Variants in GLE1 observed in about 807,000 individuals in gnomAD.
GLE1 encodes the protein GLE1 RNA export mediator, also known as mRNA export factor GLE1.
In GLE1, 78 loss-of-function variants were observed where a neutral mutation model predicts 97.3. The observed-to-expected ratio is 0.80, with a 90% confidence interval of 0.67 to 0.97. GLE1 has a LOEUF of 0.97. Ranked by LOEUF, GLE1 falls within the 50% of genes least tolerant of loss-of-function variation. The probability of loss-of-function intolerance (pLI) is 0.00; values close to 1 mark genes in which losing one functional copy is unlikely to be tolerated. For synonymous variants in GLE1, 302 were observed against 313.4 expected, an observed-to-expected ratio of 0.96 and a Z score of 0.39; for missense variants, 753 against 857.5, an observed-to-expected ratio of 0.88 and a Z score of 1.52.
Position 128,534,862 on chromosome 9 carries a change from G to A in GLE1, c.1646+911G>A, listed in dbSNP as rs1056097502. On this transcript the variant is annotated intron_variant, in intron 11 of 15. Coordinates refer to ENST00000309971, the MANE Select transcript of GLE1 (RefSeq NM_001003722.2). Reference sequence around the variant, plus strand: ...GCCTCCCGAGTAGCTGGGACTACAGGCGCCCACCACCACGCCCAGCTAATT... The same window carrying A: ...GCCTCCCGAGTAGCTGGGACTACAGACGCCCACCACCACGCCCAGCTAATT... Among the ~76,000 whole-genome samples the A allele has an allele frequency of 2.0e-5, 3 of 151,890 alleles. No homozygotes were observed. The South Asian group carries it at 6.3e-4, about 32-fold the overall frequency.
chr9:128,531,931 G>A (rs1242257164), intron 9 of GLE1, among the ~76,000 whole-genome samples: 2 of 151,654 alleles, frequency 1.3e-5, no homozygotes, highest in Admixed American at 1.3e-4. Flanking sequence ...GGGAGGCCAC[G>A]TCAGTCTAGG....
chr9:128,513,879 G>A (rs1336226523), intron 2 of GLE1, among the ~76,000 whole-genome samples: 4 of 151,764 alleles, frequency 2.6e-5, no homozygotes, highest in Non-Finnish European at 2.9e-5. Context: ...TTATCCTGGC[G>A]TGGTGGAGGG....
chr9:128,538,742 C>T (rs1326778178), intron 13 of GLE1, among the ~76,000 whole-genome samples: 1 of 151,964 alleles, frequency 6.6e-6, no homozygotes, highest in African/African-American at 2.4e-5. Flanking sequence ...GTCAGCCAGG[C>T]TGGAGTGCAT....
At chr9:128,515,480 A>T in intron 2 of GLE1, 49 bp from the exon 3 acceptor site, 1 of 984,350 alleles carries the variant, frequency 1.0e-6, no homozygotes, top group Non-Finnish European at 1.6e-6. Flanking sequence ...CAACTTTACC[A>T]TATTAAAAAC....
chr9:128,511,322 G>T (rs1057178819), intron 2 of GLE1, among the ~76,000 whole-genome samples: 3 of 149,998 alleles, frequency 2.0e-5, no homozygotes, highest in Non-Finnish European at 4.4e-5. Context: ...GTTGTTGCCA[G>T]AAAAGGTCTA....
Position 128,513,745 on chromosome 9 carries a change from G to A in GLE1, c.322-1784G>A, listed in dbSNP as rs537313952. Among the ~76,000 whole-genome samples the A allele has an allele frequency of 7.2e-3, 1,087 of 151,050 alleles. 4 individuals carry two copies. The highest frequency in any genetic ancestry group is 0.017 in the Middle Eastern group (5 of 286). ...AAAGAAAAGAAAAAAGGCGGGGTGC[G>A]GTGGCTCACGCCTGTAATCCCAGCA... On this transcript the variant is annotated intron_variant, in intron 2 of 15. Transcript: ENST00000309971.
At chr9:128,528,962 C>A (rs533342904) in intron 9 of GLE1, 1 of 152,160 alleles carries the variant, frequency 6.6e-6, no homozygotes, top group Non-Finnish European at 1.5e-5. Flanking sequence ...ACTCCTCTGA[C>A]GCATCGTGGG....
chr9:128,530,310 C>T (rs1847453158), intron 9 of GLE1, among the ~76,000 whole-genome samples: 1 of 152,156 alleles, frequency 6.6e-6, no homozygotes, highest in Admixed American at 6.6e-5. Context: ...CATCATCTTC[C>T]TTAGCCCTCT....
intron 1 of GLE1, among the ~76,000 whole-genome samples, chr9:128,507,494 G>A (rs1846673347): frequency 1.3e-5 from 2 of 150,996 alleles, no homozygotes; most frequent in South Asian, 4.2e-4. Flanking sequence ...TGAGGTGGGA[G>A]TATTACCTGA....
At chr9:128,522,315 C>T (rs548580545) in intron 3 of GLE1, among the ~76,000 whole-genome samples, 66 of 152,214 alleles carry the variant, frequency 4.3e-4, no homozygotes, top group Middle Eastern at 3.4e-3. Flanking sequence ...GCAGGTAGCC[C>T]GCAGGGGTAA....
intron 7 of GLE1, 102 bp downstream of exon 7, chr9:128,525,525 C>T (rs1311889117): frequency 1.2e-6 from 1 of 809,070 alleles, no homozygotes; most frequent in Non-Finnish European, 2.1e-6. Flanking sequence ...GGACAGTTAA[C>T]CAGAATTTTA....
At position 128,504,912 on chromosome 9, in the gene GLE1, G is replaced by T. The variant is rs1241675426; in HGVS notation, c.99+8G>T. ...TGGCTGCTGCGGCGCGAGGTGAGCG[G>T]TGGCCCCGGAGGACGTAGGCCTTTC... On this transcript the variant is annotated splice_region_variant and intron_variant, in intron 1 of 15. Coordinates refer to ENST00000309971, the MANE Select transcript of GLE1 (RefSeq NM_001003722.2). 1 of 1,590,920 alleles carries T rather than the reference G, an allele frequency of 6.3e-7. No homozygotes were observed. Among genetic ancestry groups the T allele is most frequent in the African/African-American group, 1.3e-5 (1 of 74,484 alleles).
chr9:128,516,626 TG>T (rs1168890536), intron 3 of GLE1, among the ~76,000 whole-genome samples: 1 of 151,530 alleles, frequency 6.6e-6, no homozygotes, highest in African/African-American at 2.4e-5. Context: ...GCCTGTTTTT[TG>T]TTTTTGTTTT....
In GLE1 at chr9:128,533,883, G is replaced by A; in HGVS notation, c.1578G>A (p.Lys526=). 9 of 1,613,416 alleles carry A rather than the reference G, an allele frequency of 5.6e-6. No homozygotes were observed. The highest frequency in any genetic ancestry group is 7.6e-6 in the Non-Finnish European group (9 of 1,179,354). ...VGDLILAHLH[K]KCPYSVPFYP... is the part of the protein sequence containing the mutation. ...ACCTCATTCTTGCTCATCTACATAAGAAGTGTCCTTACTCTGTTCCTTTCT... is the reference window on the plus strand; with the variant it reads ...ACCTCATTCTTGCTCATCTACATAAAAAGTGTCCTTACTCTGTTCCTTTCT... The change falls in exon 11 of 16, where the codon AAG becomes AAA. Residue 526 remains lysine (K), a synonymous_variant. Coordinates refer to ENST00000309971, the MANE Select transcript of GLE1 (RefSeq NM_001003722.2).
intron 2 of GLE1, among the ~76,000 whole-genome samples, chr9:128,513,337 A>G (rs1053823906): frequency 6.6e-6 from 1 of 152,134 alleles, no homozygotes; most frequent in Non-Finnish European, 1.5e-5. Context: ...TTAGGTGGCA[A>G]GATGGCTACT....
intron 9 of GLE1, among the ~76,000 whole-genome samples, chr9:128,529,709 CCTCT>C (rs538002331): frequency 2.0e-5 from 3 of 151,038 alleles, no homozygotes; most frequent in African/African-American, 7.3e-5. Context: ...TCCCTCTCTC[CCTCT>C]CTCTCTCTCC....
rs1846592915 is a variant in GLE1 at position 128,504,813 on chromosome 9, C to T, written c.8C>T (p.Ser3Phe). 6.2e-7 allele frequency: 1 copy of T among 1,609,718 alleles called. No homozygotes were observed. The highest frequency in any genetic ancestry group is 8.5e-7 in the Non-Finnish European group (1 of 1,176,060). The stretch of plus-strand genomic sequence containing the variant: ...GCTGCCCCTTAGCCAACCATGCCGT[C>T]TGAGGGTCGCTGCTGGGAGACCTTG... MP[S>F]EGRCWETLKA... Residue 3 changes from serine (S) to phenylalanine (F), a missense_variant, in exon 1 of 16, where the codon TCT becomes TTT. Transcript: ENST00000309971.
chr9:128,516,594 C>T (rs1440838865), intron 3 of GLE1, among the ~76,000 whole-genome samples: 2 of 152,144 alleles, frequency 1.3e-5, no homozygotes, highest in African/African-American at 4.8e-5. Flanking sequence ...GCTGGGATTA[C>T]AGGCATGAGC....
intron 3 of GLE1, among the ~76,000 whole-genome samples, chr9:128,519,201 A>G (rs887368029): frequency 9.8e-5 from 15 of 152,306 alleles, no homozygotes; most frequent in African/African-American, 3.6e-4. Flanking sequence ...ATTGTAGAGC[A>G]TGTGTGTTTG....
Sources: gnomAD v4.1 joint callset for allele counts (sites outside exome capture counted in the v4.1 genomes callset) on GRCh38, gnomAD v4.1.1 for gene constraint, MANE v1.5 for transcripts, NCBI Gene and HGNC (gene_info 2026-07-23, HGNC 2026-07-21) for gene names.